The following VEPH1 variants were observed in gnomAD, a reference collection of about 807,000 sequenced individuals.
The protein encoded by VEPH1 is ventricular zone-expressed PH domain-containing protein homolog 1.
Under a neutral mutation model 85.2 loss-of-function variants are expected in VEPH1, and 80 were observed. That is an observed-to-expected ratio of 0.94 (90% CI 0.78 to 1.13). The LOEUF (loss-of-function observed/expected upper bound fraction) is 1.13, where lower values mean the gene tolerates loss of function less well. Among genes scored for constraint, VEPH1 ranks in the 50% most tolerant of loss-of-function variants. The pLI, the probability that VEPH1 is intolerant of heterozygous loss-of-function variation, is 0.00. For synonymous variants in VEPH1, 297 were observed against 348.0 expected, an observed-to-expected ratio of 0.85 and a Z score of 1.63; for missense variants, 955 against 980.5, an observed-to-expected ratio of 0.97 and a Z score of 0.35.
At chr3:157,450,843 A>G (rs1413489050) in intron 4 of VEPH1, among the ~76,000 whole-genome samples, 2 of 152,154 alleles carry the variant, frequency 1.3e-5, no homozygotes, top group Non-Finnish European at 2.9e-5. Flanking sequence ...TGGGCTTAAC[A>G]TTAGTTTTTC....
rs903833936 is a variant in VEPH1, at chr3:157,442,254, A to C, written c.530-13766T>G. The C allele has an allele frequency of 1.9e-5, 20 of 1,025,978 alleles. No homozygotes were observed. The East Asian group carries it at 5.0e-4, about 26-fold the overall frequency. 63.6% of individuals were successfully genotyped at this position (1,025,978 alleles called of 1,614,324 possible). A position where few individuals can be genotyped will look rare whatever the true frequency, so the allele number is the denominator to read the frequency against. Reference sequence around the variant, plus strand: ...CTTAAGTCGTAATGTAGGGTTTCACATAGCTTTCAATTGTAATAATTAAAA... The same window carrying C: ...CTTAAGTCGTAATGTAGGGTTTCACCTAGCTTTCAATTGTAATAATTAAAA... On this transcript the variant is annotated intron_variant, in intron 4 of 13. Transcript: ENST00000362010.
At chr3:157,360,545 GGGTT>G (rs1369164557) in intron 9 of VEPH1, among the ~76,000 whole-genome samples, 3 of 151,622 alleles carry the variant, frequency 2.0e-5, no homozygotes, top group African/African-American at 7.3e-5. Context: ...ACTTATGATG[GGGTT>G]ATGTCCCCAT....
At chr3:157,391,140 T>C (rs917690109) in intron 6 of VEPH1, among the ~76,000 whole-genome samples, 2 of 152,180 alleles carry the variant, frequency 1.3e-5, no homozygotes, top group African/African-American at 4.8e-5. Flanking sequence ...GTGGTGGGCA[T>C]GGGGTCTGGG....
chr3:157,330,209 A>G lies in VEPH1; in HGVS notation c.1736-13008T>C, dbSNP rs142629248. Among the ~76,000 whole-genome samples the G allele has an allele frequency of 3.3e-3, 496 of 152,354 alleles. 2 individuals carry two copies. Among genetic ancestry groups the G allele is most frequent in the African/African-American group, 0.012 (479 of 41,576 alleles). On this transcript the variant is annotated intron_variant, in intron 9 of 13. Transcript: ENST00000362010. ...TAACAACTTCACTTTGAAATTAAATAAAGTGTTTTGAGATTAGCAAGACCT... is the reference window on the plus strand; with the variant it reads ...TAACAACTTCACTTTGAAATTAAATGAAGTGTTTTGAGATTAGCAAGACCT...
intron 4 of VEPH1, among the ~76,000 whole-genome samples, chr3:157,429,145 G>A (rs189085391): frequency 5.9e-5 from 9 of 152,170 alleles, no homozygotes; most frequent in East Asian, 1.9e-4. Context: ...ATTACATAAC[G>A]TATAGAAACT....
Position 157,348,069 on chromosome 3 carries a change from G to A in VEPH1, c.1735+15295C>T, listed in dbSNP as rs145343683. 3.5e-3 allele frequency among the ~76,000 whole-genome samples: 528 copies of A among 152,246 alleles called. 3 individuals are homozygous for A. The highest frequency in any genetic ancestry group is 0.012 in the African/African-American group (505 of 41,548). ...TGTGTGGAGCCTGGGCTGGGGATTCGCTGTGATTCTGGTCTTGCGTAGCAG... is the reference window on the plus strand; with the variant it reads ...TGTGTGGAGCCTGGGCTGGGGATTCACTGTGATTCTGGTCTTGCGTAGCAG... On this transcript the variant is annotated intron_variant, in intron 9 of 13. Coordinates refer to ENST00000362010, the MANE Select transcript of VEPH1 (RefSeq NM_001167912.2).
chr3:157,416,326 G>T (rs1384568199), intron 5 of VEPH1, among the ~76,000 whole-genome samples: 1 of 151,806 alleles, frequency 6.6e-6, no homozygotes, highest in Non-Finnish European at 1.5e-5. Context: ...CCTATATAGA[G>T]ATTTAAACTT....
intron 7 of VEPH1, among the ~76,000 whole-genome samples, chr3:157,372,543 C>G: frequency 6.6e-6 from 1 of 152,204 alleles, no homozygotes; most frequent in East Asian, 1.9e-4. Flanking sequence ...CATGGCCACA[C>G]TGGTGTGTGT....
chr3:157,420,821 T>C (rs920261164), intron 5 of VEPH1, among the ~76,000 whole-genome samples: 11 of 152,250 alleles, frequency 7.2e-5, no homozygotes, highest in African/African-American at 2.7e-4. Context: ...TGCCACTTCC[T>C]GTCACTCATT....
chr3:157,344,100 C>A (rs530731176), intron 9 of VEPH1, among the ~76,000 whole-genome samples: 1 of 152,164 alleles, frequency 6.6e-6, no homozygotes, highest in Non-Finnish European at 1.5e-5. Flanking sequence ...TGGAAACATT[C>A]CCTTTGAAAA....
chr3:157,428,293 C>A, intron 5 of VEPH1, 29 bp downstream of exon 5: 1 of 1,610,170 alleles, frequency 6.2e-7, no homozygotes, highest in African/African-American at 1.3e-5. Context: ...TGGTTGTGTG[C>A]ACCATGACAT....
At chr3:157,395,016 A>T (rs1443855943) in intron 6 of VEPH1, among the ~76,000 whole-genome samples, 1 of 152,124 alleles carries the variant, frequency 6.6e-6, no homozygotes, top group Non-Finnish European at 1.5e-5. Flanking sequence ...TCAAATAGCC[A>T]TTCTATTGTT....
At chr3:157,483,123 T>TACACACACACACACACACACACAC (rs60205276) in intron 2 of VEPH1, among the ~76,000 whole-genome samples, 5 of 146,936 alleles carry the variant, frequency 3.4e-5, no homozygotes, top group Non-Finnish European at 7.5e-5. Context: ...TTTAAAAGCA[T>TACACACACACACACACACACACAC]ACACACACAC....
chr3:157,365,505 A>G (rs577737496), intron 7 of VEPH1, among the ~76,000 whole-genome samples: 47 of 152,106 alleles, frequency 3.1e-4, no homozygotes, highest in Non-Finnish European at 5.7e-4. Flanking sequence ...GTTCAATTCA[A>G]TCCTAACACT....
chr3:157,401,350 A>ACG (rs1307282925), intron 6 of VEPH1, among the ~76,000 whole-genome samples: 5 of 152,150 alleles, frequency 3.3e-5, no homozygotes, highest in African/African-American at 1.2e-4. Flanking sequence ...GTAAGATTTA[A>ACG]CTCAGTTGAA....
chr3:157,310,096 A>G (rs1042821010), intron 11 of VEPH1, among the ~76,000 whole-genome samples: 5 of 152,200 alleles, frequency 3.3e-5, no homozygotes, highest in African/African-American at 1.2e-4. Flanking sequence ...CACCTGGCTG[A>G]ATTTGATTGA....
Position 157,458,862 on chromosome 3 carries a change from T to G in VEPH1, c.529+1319A>C, listed in dbSNP as rs528089497. Among the ~76,000 whole-genome samples the G allele has an allele frequency of 2.6e-5, 4 of 152,320 alleles. No homozygotes were observed. The South Asian group carries it at 8.3e-4, about 32-fold the overall frequency. Reference sequence around the variant, plus strand: ...TAGATACCCAGTTATCCTAGCACCATTTGTTGAATAGGGAGTCCTTCCCCC... The same window carrying G: ...TAGATACCCAGTTATCCTAGCACCAGTTGTTGAATAGGGAGTCCTTCCCCC... On this transcript the variant is annotated intron_variant, in intron 4 of 13. Coordinates refer to ENST00000362010, the MANE Select transcript of VEPH1 (RefSeq NM_001167912.2).
chr3:157,407,861 A>G (rs1234003434), intron 6 of VEPH1, among the ~76,000 whole-genome samples: 1 of 152,184 alleles, frequency 6.6e-6, no homozygotes, highest in Non-Finnish European at 1.5e-5. Flanking sequence ...AAATCCTCAC[A>G]ACAAACCTAA....
At chr3:157,412,222 C>T (rs1294972977) in intron 6 of VEPH1, among the ~76,000 whole-genome samples, 2 of 152,254 alleles carry the variant, frequency 1.3e-5, no homozygotes, top group South Asian at 2.1e-4. Context: ...TTATAAATTA[C>T]CCAGTCCCAG....
Sources: gnomAD v4.1 joint callset for allele counts (sites outside exome capture counted in the v4.1 genomes callset) on GRCh38, gnomAD v4.1.1 for gene constraint, MANE v1.5 for transcripts, NCBI Gene and HGNC (gene_info 2026-07-23, HGNC 2026-07-21) for gene names.